VOPP1: variants seen among roughly 807,000 people sequenced by gnomAD.
The protein encoded by VOPP1 is WW domain binding protein VOPP1.
Under a neutral mutation model 23.5 loss-of-function variants are expected in VOPP1, and 8 were observed. That is an observed-to-expected ratio of 0.34 (90% confidence interval 0.20 to 0.61). VOPP1 has a LOEUF of 0.61. Ranked by LOEUF, VOPP1 falls within the 20% of genes least tolerant of loss-of-function variation. VOPP1 has a pLI of 0.78. For synonymous variants in VOPP1, 83 were observed against 97.3 expected (o/e 0.85, Z 0.86); for missense variants, 174 against 238.1 (o/e 0.73, Z 1.77).
chr7:55,439,125 G>A (rs1036525250), intron 4 of VOPP1, among the ~76,000 whole-genome samples: 3 of 152,092 alleles, frequency 2.0e-5, no homozygotes, highest in African/African-American at 4.8e-5. Context: ...TCACTTTGGA[G>A]TTGTTTGCTT....
intron 2 of VOPP1, chr7:55,515,876 G>C (rs1220751832): frequency 2.7e-6 from 2 of 734,460 alleles, no homozygotes; most frequent in African/African-American, 3.8e-5. Flanking sequence ...TGGACTGACA[G>C]GGAAGTGTGC....
rs116679759 is a variant in VOPP1 at position 55,569,275 on chromosome 7, C to T, written c.54+2996G>A. On this transcript the variant is annotated intron_variant, in intron 1 of 4. Transcript: ENST00000285279. ...CACAACCAGGGTTTCTCAGGAGAGT[C>T]CTGGTGATGCCCACTGTCCAGGCAC... Among the ~76,000 whole-genome samples, 117 of 152,304 alleles carry T rather than the reference C, an allele frequency of 7.7e-4. 1 individual carries two copies. The highest frequency in any genetic ancestry group is 2.7e-3 in the African/African-American group (111 of 41,566).
intron 4 of VOPP1, among the ~76,000 whole-genome samples, chr7:55,443,010 T>C (rs1192166283): frequency 6.6e-6 from 1 of 151,728 alleles, no homozygotes; most frequent in Admixed American, 6.6e-5. Context: ...TCCCAGCTAC[T>C]CAGGAGGCTG....
chr7:55,554,417 C>A (rs189908955), intron 1 of VOPP1, among the ~76,000 whole-genome samples: 7 of 152,272 alleles, frequency 4.6e-5, no homozygotes, highest in Admixed American at 3.9e-4. Flanking sequence ...AGAAAAGTAA[C>A]AGATCAGACA....
chr7:55,553,273 C>T (rs1411131375), intron 1 of VOPP1, among the ~76,000 whole-genome samples: 1 of 152,080 alleles, frequency 6.6e-6, no homozygotes, highest in Non-Finnish European at 1.5e-5. Flanking sequence ...AGTTCCAACA[C>T]CTAACAGGAT....
At chr7:55,546,236 G>A (rs1209743915) in intron 1 of VOPP1, among the ~76,000 whole-genome samples, 1 of 152,250 alleles carries the variant, frequency 6.6e-6, no homozygotes, top group Non-Finnish European at 1.5e-5. Flanking sequence ...CATCTCCTGA[G>A]TTACAAGACA....
intron 4 of VOPP1, among the ~76,000 whole-genome samples, chr7:55,479,180 GT>G (rs1792509058): frequency 6.7e-6 from 1 of 148,596 alleles, no homozygotes; most frequent in Admixed American, 6.7e-5. Context: ...TATACTTTAA[GT>G]TTTAGGGTAC....
intron 1 of VOPP1, among the ~76,000 whole-genome samples, chr7:55,545,362 G>A (rs1316732959): frequency 6.6e-6 from 1 of 152,138 alleles, no homozygotes; most frequent in African/African-American, 2.4e-5. Flanking sequence ...AGTGCTGTGA[G>A]GTCCAAGAAC....
At chr7:55,552,926 A>G in intron 1 of VOPP1, 1 of 950,336 alleles carries the variant, frequency 1.1e-6, no homozygotes. Context: ...TGCTAGCTGC[A>G]AATTGCTGAC....
chr7:55,454,398 G>A (rs1163118808), intron 4 of VOPP1, among the ~76,000 whole-genome samples: 1 of 152,162 alleles, frequency 6.6e-6, no homozygotes, highest in Non-Finnish European at 1.5e-5. Flanking sequence ...CATTCCTTCT[G>A]AAACTATTCC....
At position 55,561,886 on chromosome 7, in the gene VOPP1, A is replaced by T. The variant is rs1798001363; in HGVS notation, c.54+10385T>A. On this transcript the variant is annotated intron_variant, in intron 1 of 4. Coordinates refer to ENST00000285279, the MANE Select transcript of VOPP1 (RefSeq NM_030796.5). ...GACAATGAGAGTAGCCTTCCATGAC[A>T]CCACCTGAGGGTCTTCAAGTATGGT... is the stretch of plus-strand genomic sequence containing the variant. The T allele has an allele frequency of 4.3e-6, 3 of 697,192 alleles. No individual in the cohort carries two copies. In the Admixed American group the frequency reaches 6.0e-5, roughly 14 times the overall value. The allele number at this position is 697,192 out of a possible 1,614,324, so 43.2% of individuals were successfully genotyped here.
At chr7:55,567,799 T>C (rs1358210707) in intron 1 of VOPP1, among the ~76,000 whole-genome samples, 2 of 152,192 alleles carry the variant, frequency 1.3e-5, no homozygotes, top group Non-Finnish European at 2.9e-5. Flanking sequence ...TTCATTCAAA[T>C]TGCATGTTGC....
intron 2 of VOPP1, among the ~76,000 whole-genome samples, chr7:55,509,165 G>C (rs1225135579): frequency 6.6e-6 from 1 of 152,164 alleles, no homozygotes; most frequent in African/African-American, 2.4e-5. Context: ...TGAGATTCTA[G>C]TACCTAAAAA....
chr7:55,504,134 C>G (rs913064482), intron 2 of VOPP1, among the ~76,000 whole-genome samples: 1 of 152,166 alleles, frequency 6.6e-6, no homozygotes, highest in African/African-American at 2.4e-5. Context: ...TAAGCACTTG[C>G]TGGTACAACA....
At chr7:55,505,512 G>C (rs1254717917) in intron 2 of VOPP1, among the ~76,000 whole-genome samples, 1 of 152,016 alleles carries the variant, frequency 6.6e-6, no homozygotes, top group Non-Finnish European at 1.5e-5. Flanking sequence ...CTCACAGCCA[G>C]ATGCTCTCTA....
At chr7:55,467,430 G>A (rs747989355), downstream of VOPP1, among the ~76,000 whole-genome samples, 6 of 152,158 alleles carry the variant, frequency 3.9e-5, no homozygotes, top group Non-Finnish European at 5.9e-5. Flanking sequence ...TGTACCTGCC[G>A]GCCTCAATGC....
At chr7:55,455,259 A>C (rs926477664) in intron 4 of VOPP1, among the ~76,000 whole-genome samples, 4 of 152,230 alleles carry the variant, frequency 2.6e-5, no homozygotes, top group Non-Finnish European at 5.9e-5. Flanking sequence ...AGGGAAGTGA[A>C]GGATCTCTTC....
chr7:55,504,195 TCTC>T (rs1353795231), intron 2 of VOPP1, among the ~76,000 whole-genome samples: 1 of 152,170 alleles, frequency 6.6e-6, no homozygotes, highest in Non-Finnish European at 1.5e-5. Flanking sequence ...GCTGGTCTGT[TCTC>T]CTCAATCACA....
At position 55,488,788 on chromosome 7, in the gene VOPP1, G is replaced by A. The variant is rs117327663; in HGVS notation, c.328+3494C>T. On this transcript the variant is annotated intron_variant, in intron 4 of 4. Transcript: ENST00000285279. ...CCACTTCCCCTCTCAGACCAGCAGA[G>A]GAAAAATGGGGCTCTGCTGAAAATT... Among the ~76,000 whole-genome samples the A allele has an allele frequency of 3.0e-3, 452 of 152,342 alleles. 1 individual carries two copies. Among genetic ancestry groups the A allele is most frequent in the Non-Finnish European group, 5.2e-3 (351 of 68,036 alleles).
Sources: allele counts gnomAD v4.1 joint callset (sites outside exome capture counted in the v4.1 genomes callset), GRCh38; gene constraint gnomAD v4.1.1; transcripts MANE v1.5; gene names NCBI Gene and HGNC (gene_info 2026-07-23, HGNC 2026-07-21).